SYNPR: variants seen among roughly 807,000 people sequenced by gnomAD.
The protein encoded by SYNPR is synaptoporin.
In SYNPR, 23 loss-of-function variants were observed where a neutral mutation model predicts 32.9. The observed-to-expected ratio is 0.70, with a 90% CI of 0.50 to 0.99. The LOEUF is 0.99. Ranked by LOEUF, SYNPR falls within the 50% of genes least tolerant of loss-of-function variation. The pLI, the probability that SYNPR is intolerant of heterozygous loss-of-function variation, is 0.00. For missense variants in SYNPR, 318 were observed against 349.3 expected (o/e 0.91, Z 0.71); for synonymous variants, 146 against 135.9 (o/e 1.07, Z -0.52).
intron 1 of SYNPR, among the ~76,000 whole-genome samples, chr3:63,251,294 T>C (rs996850806): frequency 1.3e-5 from 2 of 151,800 alleles, no homozygotes; most frequent in Non-Finnish European, 2.9e-5. Context: ...CTCTAAGACA[T>C]ATTGCTAAAT....
intron 4 of SYNPR, among the ~76,000 whole-genome samples, chr3:63,594,091 GTAAAATAGAAAAAC>G (rs1041620279): frequency 2.6e-5 from 4 of 152,120 alleles, no homozygotes; most frequent in Non-Finnish European, 5.9e-5. Flanking sequence ...TTCTTCATTT[GTAAAATAGAAAAAC>G]TAACAGCTAC....
chr3:63,290,115 G>T, intron 2 of SYNPR, among the ~76,000 whole-genome samples: 1 of 141,754 alleles, frequency 7.1e-6, no homozygotes, highest in Non-Finnish European at 1.5e-5. Flanking sequence ...GGGTGACACA[G>T]CAAGACTCCG....
rs999540137 is a variant in SYNPR at position 63,604,465 on chromosome 3, T to G, written c.409-4660T>G. On this transcript the variant is annotated intron_variant, in intron 4 of 5. Transcript: ENST00000478300. The stretch of plus-strand genomic sequence containing the variant: ...GTTAATTTGAGATCTTTGTAACTTT[T>G]TGATGTGGGTGTTTAGTGCTATAAA... Among the ~76,000 whole-genome samples, 11 of 152,228 alleles carry G rather than the reference T, an allele frequency of 7.2e-5. No individual in the cohort carries two copies. In the South Asian group the frequency reaches 2.3e-3, roughly 32 times the overall value.
chr3:63,579,807 ACAC>A (rs1703057978), intron 4 of SYNPR, among the ~76,000 whole-genome samples: 1 of 151,654 alleles, frequency 6.6e-6, no homozygotes, highest in Admixed American at 6.6e-5. Context: ...ACACACACAC[ACAC>A]ACACACACAC....
At chr3:63,462,873 G>A (rs1306801670) in intron 2 of SYNPR, among the ~76,000 whole-genome samples, 3 of 152,126 alleles carry the variant, frequency 2.0e-5, no homozygotes, top group Non-Finnish European at 4.4e-5. Context: ...GTTGAGCATT[G>A]TTTTCAGTTT....
chr3:63,388,987 T>C (rs926294842), intron 2 of SYNPR, among the ~76,000 whole-genome samples: 1 of 152,220 alleles, frequency 6.6e-6, no homozygotes, highest in African/African-American at 2.4e-5. Flanking sequence ...TTTTGGACTC[T>C]GCATAAGGAG....
At chr3:63,232,279 G>A (rs1290701838) in intron 1 of SYNPR, among the ~76,000 whole-genome samples, 1 of 130,892 alleles carries the variant, frequency 7.6e-6, no homozygotes, top group East Asian at 2.5e-4. Flanking sequence ...TTGGCTCACT[G>A]CAACCTCCCC....
At position 63,524,870 on chromosome 3, in the gene SYNPR, T is replaced by TGAGA. The variant is rs59919433; in HGVS notation, c.210-31648_210-31645dup. 1.4e-3 allele frequency among the ~76,000 whole-genome samples: 198 copies of TGAGA among 140,666 alleles called. 1 individual carries two copies. The highest frequency in any genetic ancestry group is 4.3e-3 in the African/African-American group (150 of 34,956). 92.3% of individuals were successfully genotyped at this position (140,666 alleles called of 152,430 possible). A position where few individuals can be genotyped will look rare whatever the true frequency, so the allele number is the denominator to read the frequency against. The stretch of plus-strand genomic sequence containing the variant: ...GTGTGTGCATGTGTGTGTGTGTGTG[T>TGAGA]GAGAGAGAGAGAGAGAGAGAGAGAG... On this transcript the variant is annotated intron_variant, in intron 3 of 5. Transcript: ENST00000478300.
At chr3:63,246,595 G>C (rs557618168) in intron 1 of SYNPR, among the ~76,000 whole-genome samples, 1 of 152,068 alleles carries the variant, frequency 6.6e-6, no homozygotes, top group South Asian at 2.1e-4. Context: ...GGTCAGAAAA[G>C]TTCTCATTGA....
At chr3:63,395,070 G>C (rs2088194284) in intron 2 of SYNPR, among the ~76,000 whole-genome samples, 1 of 152,172 alleles carries the variant, frequency 6.6e-6, no homozygotes, top group South Asian at 2.1e-4. Flanking sequence ...CCCTAAAACA[G>C]ACTTACTTCA....
chr3:63,373,958 A>T (rs935869147), intron 2 of SYNPR, among the ~76,000 whole-genome samples: 14 of 152,234 alleles, frequency 9.2e-5, no homozygotes, highest in African/African-American at 3.1e-4. Context: ...TTTCCAATCA[A>T]GAATTTAATA....
chr3:63,560,724 T>G (rs1178802691), intron 4 of SYNPR, among the ~76,000 whole-genome samples: 1 of 152,022 alleles, frequency 6.6e-6, no homozygotes, highest in Non-Finnish European at 1.5e-5. Context: ...AGAGAAGAAG[T>G]GAGCAAGTGA....
At position 63,480,843 on chromosome 3, in the gene SYNPR, C is replaced by G; in HGVS notation, c.96C>G (p.Ile32Met). 2 of 1,613,148 alleles carry G rather than the reference C, an allele frequency of 1.2e-6. No homozygotes were observed. Among genetic ancestry groups the G allele is most frequent in the South Asian group, 2.2e-5 (2 of 90,930 alleles). ...FLRALELLFAIFAFATCGGYS... is the reference protein window; with the variant it reads ...FLRALELLFAMFAFATCGGYS... The stretch of plus-strand genomic sequence containing the variant: ...ATTGTTCTCCACAGCTTTTTGCAAT[C>G]TTTGCATTTGCAACATGCGGTGGCT... Residue 32 changes from isoleucine (I) to methionine (M), a missense_variant, in exon 3 of 6, where the codon ATC (isoleucine) becomes ATG (methionine). Physicochemically the swap from Ile to Met is conservative, Grantham distance 10. Transcript: ENST00000478300.
chr3:63,566,931 G>T (rs61441722), intron 4 of SYNPR, among the ~76,000 whole-genome samples: 36,013 of 152,066 alleles, frequency 0.24, 4,733 homozygotes, highest in South Asian at 0.43. Flanking sequence ...AACTGGTGTT[G>T]ATTAAATCTC....
At chr3:63,232,463 A>G (rs1172992547) in intron 1 of SYNPR, among the ~76,000 whole-genome samples, 1 of 152,136 alleles carries the variant, frequency 6.6e-6, no homozygotes, top group African/African-American at 2.4e-5. Context: ...TTGGCCTCCC[A>G]AAGTGCTGGG....
intron 2 of SYNPR, among the ~76,000 whole-genome samples, chr3:63,433,783 A>T (rs942910406): frequency 1.3e-5 from 2 of 152,096 alleles, no homozygotes; most frequent in Non-Finnish European, 2.9e-5. Flanking sequence ...AAATTGTAGA[A>T]ATTTTGCCAG....
intron 2 of SYNPR, among the ~76,000 whole-genome samples, chr3:63,340,609 C>T (rs1223584080): frequency 6.6e-5 from 10 of 151,408 alleles, no homozygotes; most frequent in East Asian, 1.9e-4. Flanking sequence ...TTAGTAGAGA[C>T]GGGGTTTCAC....
chr3:63,304,926 G>A (rs976415303), intron 2 of SYNPR, among the ~76,000 whole-genome samples: 1 of 151,944 alleles, frequency 6.6e-6, no homozygotes, highest in African/African-American at 2.4e-5. Flanking sequence ...TTCAGTCCTA[G>A]CTTGCCATAT....
chr3:63,569,390 A>G, intron 4 of SYNPR, among the ~76,000 whole-genome samples: 1 of 152,142 alleles, frequency 6.6e-6, no homozygotes, highest in East Asian at 1.9e-4. Flanking sequence ...TTGAATTCCA[A>G]CTTTTGACTA....
Sources: allele counts gnomAD v4.1 joint callset (sites outside exome capture counted in the v4.1 genomes callset), GRCh38; gene constraint gnomAD v4.1.1; transcripts MANE v1.5; gene names NCBI Gene and HGNC (gene_info 2026-07-23, HGNC 2026-07-21).